Variants in TP53BP2 observed in about 807,000 individuals in gnomAD.
TP53BP2 encodes the protein tumor protein p53 binding protein 2.
In TP53BP2, 62 loss-of-function variants were observed where a neutral mutation model predicts 126.2. The ratio of observed to expected loss-of-function variants is 0.49; its 90% CI spans 0.40 to 0.61. TP53BP2 has a LOEUF of 0.61. Ranked by LOEUF, TP53BP2 falls within the 20% of genes least tolerant of loss-of-function variation. The pLI is 0.00. For missense variants in TP53BP2, 1,215 were observed against 1,402.8 expected (o/e 0.87, Z 2.14); for synonymous variants, 485 against 502.9 (o/e 0.96, Z 0.48).
Position 223,800,588 on chromosome 1 carries a change from A to C in TP53BP2, c.1336+112T>G, listed in dbSNP as rs1334145019. The C allele has an allele frequency of 4.9e-6, 4 of 817,524 alleles. No homozygotes were observed. In the African/African-American group the frequency reaches 7.2e-5, roughly 15 times the overall value. 50.6% of individuals were successfully genotyped at this position (817,524 alleles called of 1,614,324 possible). A position where few individuals can be genotyped will look rare whatever the true frequency, so the allele number is the denominator to read the frequency against. On this transcript the variant is annotated intron_variant, in intron 10 of 17. Transcript: ENST00000343537. Reference sequence around the variant, plus strand: ...GACAAGAGTGAGATCCTGTCTTTAAAAAAAACAAAAAAAGGAAGAAAGAAA... The same window carrying C: ...GACAAGAGTGAGATCCTGTCTTTAACAAAAACAAAAAAAGGAAGAAAGAAA...
intron 16 of TP53BP2, among the ~76,000 whole-genome samples, chr1:223,786,277 C>T (rs1201669339): frequency 5.3e-5 from 8 of 152,128 alleles, no homozygotes; most frequent in Admixed American, 1.3e-4. Context: ...GCGGCGGTCA[C>T]TACAGACGTG....
Position 223,798,594 on chromosome 1 carries a change from A to G in TP53BP2, c.1569T>C (p.Thr523=), listed in dbSNP as rs1662420081. 6.2e-7 allele frequency: 1 copy of G among 1,614,096 alleles called. No individual in the cohort carries two copies. The highest frequency in any genetic ancestry group is 8.5e-7 in the Non-Finnish European group (1 of 1,180,024). ...KQINLPYFGQ[T]NQPPSDIKPD... ...GCTTAATGTCTGAAGGTGGCTGATT[A>G]GTTTGTCCAAAATAAGGCAAATTAA... The change falls in exon 12 of 18, where the codon ACT becomes ACC. Residue 523 remains threonine (T), a synonymous_variant. Transcript: ENST00000343537.
At chr1:223,788,679 G>C (rs61333093) in intron 16 of TP53BP2, among the ~76,000 whole-genome samples, 1,813 of 152,206 alleles carry the variant, frequency 0.012, 36 homozygotes, top group African/African-American at 0.041. Context: ...GGAGAGGGGG[G>C]TCTGTTTACT....
chr1:223,821,122 C>G (rs918365273), intron 2 of TP53BP2, 98 bp downstream of exon 2: 11 of 1,486,930 alleles, frequency 7.4e-6, no homozygotes, highest in Non-Finnish European at 1.0e-5. Context: ...TCCAGTTTCT[C>G]CCCGGAGAAA....
intron 1 of TP53BP2, among the ~76,000 whole-genome samples, chr1:223,844,578 C>T (rs1664208342): frequency 6.6e-6 from 1 of 152,158 alleles, no homozygotes; most frequent in South Asian, 2.1e-4. Context: ...GCTATTAATA[C>T]TTTCAAATTC....
intron 1 of TP53BP2, among the ~76,000 whole-genome samples, chr1:223,836,268 G>A (rs1251222815): frequency 6.6e-6 from 1 of 152,236 alleles, no homozygotes; most frequent in Non-Finnish European, 1.5e-5. Context: ...CAAGAGTGGA[G>A]AGCAATATGC....
rs1409327038 is a variant in TP53BP2, at chr1:223,784,237, CA to C, written c.3240del (p.Asp1080GlufsTer5). 2.5e-6 allele frequency: 4 copies of C among 1,614,136 alleles called. No individual in the cohort carries two copies. The highest frequency in any genetic ancestry group is 3.4e-6 in the Non-Finnish European group (4 of 1,180,016). On this transcript the variant is annotated frameshift_variant, in exon 17 of 18. Coordinates refer to ENST00000343537, the MANE Select transcript of TP53BP2 (RefSeq NM_001031685.3). LOFTEE classifies it high-confidence loss of function. ...ALWDYEPQNDDELPMKEGDCM... is the reference protein window; with the variant it reads ...ALWDYEPQNDXELPMKEGDCM... ...CAGTCTCCTTCTTTCATGGGCAGCT[CA>C]TCATCATTCTGAGGTTCATAATCCC... is the stretch of plus-strand genomic sequence containing the variant.
chr1:223,817,282 G>T (rs1334204325), intron 2 of TP53BP2, among the ~76,000 whole-genome samples: 4 of 43,118 alleles, frequency 9.3e-5, no homozygotes, highest in African/African-American at 3.8e-4. Flanking sequence ...AGGAGGAGGG[G>T]GAGGGAAAGG....
intron 17 of TP53BP2, among the ~76,000 whole-genome samples, chr1:223,782,198 A>G (rs1661798968): frequency 6.6e-6 from 1 of 152,240 alleles, no homozygotes; most frequent in Non-Finnish European, 1.5e-5. Flanking sequence ...CAATTTAGCC[A>G]TTTTACAAGT....
At chr1:223,806,995 T>C (rs1662745624) in intron 4 of TP53BP2, 48 bp from the exon 5 acceptor site, 1 of 1,414,984 alleles carries the variant, frequency 7.1e-7, no homozygotes, top group Non-Finnish European at 9.9e-7. Context: ...ACTATAAAAC[T>C]ACCACAGAGA....
At chr1:223,841,027 T>C (rs994260732) in intron 1 of TP53BP2, among the ~76,000 whole-genome samples, 6 of 152,086 alleles carry the variant, frequency 3.9e-5, no homozygotes, top group Non-Finnish European at 5.9e-5. Context: ...CCGAGGCTAG[T>C]GGATCACGGG....
Position 223,798,210 on chromosome 1 carries a change from C to G in TP53BP2, c.1948+5G>C. 1 of 1,610,228 alleles carries G rather than the reference C, an allele frequency of 6.2e-7. No individual in the cohort carries two copies. The highest frequency in any genetic ancestry group is 8.5e-7 in the Non-Finnish European group (1 of 1,177,774). ...CACGTCACCTATGAACGTTAAGAAC[C>G]TTACCACTTGAAAAGTGTGGCCCTC... On this transcript the variant is annotated splice_donor_5th_base_variant and intron_variant, in intron 12 of 17. Coordinates refer to ENST00000343537, the MANE Select transcript of TP53BP2 (RefSeq NM_001031685.3).
intron 1 of TP53BP2, among the ~76,000 whole-genome samples, chr1:223,833,557 A>T (rs1663816382): frequency 6.6e-6 from 1 of 152,220 alleles, no homozygotes; most frequent in Non-Finnish European, 1.5e-5. Flanking sequence ...TACTTTAATT[A>T]AGGAAAAAAT....
At position 223,796,128 on chromosome 1, in the gene TP53BP2, T is replaced by C; in HGVS notation, c.2411A>G (p.Lys804Arg). ...QNPYLHVEPE[K>R]EVVSLVPESL... ...TTCAGGAACCAGAGAGACCACCTCC[T>C]TTTCGGGCTCCACATGTAAATATGG... is the stretch of plus-strand genomic sequence containing the variant. The change falls in exon 13 of 18, where the codon AAG becomes AGG. Residue 804 changes from lysine (K) to arginine (R), a missense_variant. Lys to Arg is a conservative substitution (Grantham distance 26). Transcript: ENST00000343537. The surrounding 1 kb of genome is among the most constrained non-coding windows in gnomAD (Gnocchi z 4.2). The C allele has an allele frequency of 1.2e-6, 2 of 1,614,186 alleles. No homozygotes were observed. Among genetic ancestry groups the C allele is most frequent in the Non-Finnish European group, 1.7e-6 (2 of 1,180,036 alleles).
At chr1:223,832,839 T>C (rs937858465) in intron 1 of TP53BP2, among the ~76,000 whole-genome samples, 2 of 152,226 alleles carry the variant, frequency 1.3e-5, no homozygotes, top group Non-Finnish European at 2.9e-5. Flanking sequence ...TGAGCTAGGC[T>C]GCCAGTCTTC....
chr1:223,840,920 A>G (rs56831338), intron 1 of TP53BP2, among the ~76,000 whole-genome samples: 4,740 of 152,318 alleles, frequency 0.031, 244 homozygotes, highest in African/African-American at 0.11. Context: ...TCAGCTTTTA[A>G]GAGCTGAAGT....
intron 8 of TP53BP2, 187 bp from the exon 9 acceptor site, chr1:223,802,531 T>C: frequency 1.2e-6 from 1 of 852,778 alleles, no homozygotes; most frequent in Non-Finnish European, 1.8e-6. Flanking sequence ...ATTACAAGTA[T>C]TAGAGACAAA....
In TP53BP2 at chr1:223,785,355, A is replaced by G. The variant is rs1352112873; in HGVS notation, c.3164-1041T>C. Among the ~76,000 whole-genome samples, 3 of 152,236 alleles carry G rather than the reference A, an allele frequency of 2.0e-5. No individual in the cohort carries two copies. In the East Asian group the frequency reaches 5.8e-4, roughly 29 times the overall value. ...ACAAGAAATTCTTCTTTTCTAGAAGAAGGCTCTGCCAATCTAAAGAGACAA... is the reference window on the plus strand; with the variant it reads ...ACAAGAAATTCTTCTTTTCTAGAAGGAGGCTCTGCCAATCTAAAGAGACAA... On this transcript the variant is annotated intron_variant, in intron 16 of 17. Transcript: ENST00000343537.
At chr1:223,827,733 AT>A (rs1663549415) in intron 1 of TP53BP2, among the ~76,000 whole-genome samples, 1 of 152,230 alleles carries the variant, frequency 6.6e-6, no homozygotes, top group Non-Finnish European at 1.5e-5. Flanking sequence ...TCCTCAAGTT[AT>A]AAAGGTTATT....
Sources: gnomAD v4.1 joint callset for allele counts (sites outside exome capture counted in the v4.1 genomes callset) on GRCh38, gnomAD v4.1.1 for gene constraint, Gnocchi (gnomAD v3.1) non-coding constraint, MANE v1.5 for transcripts, NCBI Gene and HGNC (gene_info 2026-07-23, HGNC 2026-07-21) for gene names.